The following DPYSL5 variants were observed in gnomAD, a reference collection of about 807,000 sequenced individuals.
DPYSL5 encodes the protein dihydropyrimidinase like 5.
In DPYSL5, 9 loss-of-function variants were observed where a neutral mutation model predicts 58.4. The observed-to-expected ratio is 0.15, with a 90% CI of 0.09 to 0.27. DPYSL5 has a LOEUF of 0.27. Among genes scored for constraint, DPYSL5 ranks in the 10% least tolerant of loss-of-function variants. DPYSL5 has a pLI of 1.00. For synonymous variants in DPYSL5, 293 were observed against 301.9 expected (o/e 0.97, Z 0.31); for missense variants, 499 against 770.6 (o/e 0.65, Z 4.17).
intron 1 of DPYSL5, among the ~76,000 whole-genome samples, chr2:26,882,090 C>CAAAAAA (rs752138649): frequency 5.1e-4 from 21 of 40,938 alleles, no homozygotes; most frequent in Admixed American, 8.1e-4. Context: ...GACTCCATCT[C>CAAAAAA]AAAAAAAAAA....
intron 8 of DPYSL5, chr2:26,939,730 A>G (rs1198078861): frequency 3.1e-6 from 1 of 321,664 alleles, no homozygotes; most frequent in Non-Finnish European, 5.9e-6. Flanking sequence ...ATCTCACTTC[A>G]GCTAGACTCT....
At chr2:26,873,077 G>C (rs1188165250) in intron 1 of DPYSL5, among the ~76,000 whole-genome samples, 1 of 152,046 alleles carries the variant, frequency 6.6e-6, no homozygotes, top group Non-Finnish European at 1.5e-5. Context: ...TGAACTGCTA[G>C]GAAGCTTAGT....
chr2:26,942,841 C>A lies in DPYSL5; in HGVS notation c.1440+91C>A. The A allele has an allele frequency of 7.0e-7, 1 of 1,437,528 alleles. No individual in the cohort carries two copies. Among genetic ancestry groups the A allele is most frequent in the Non-Finnish European group, 9.6e-7 (1 of 1,046,954 alleles). 89.0% of individuals were successfully genotyped at this position (1,437,528 alleles called of 1,614,324 possible). A position where few individuals can be genotyped will look rare whatever the true frequency, so the allele number is the denominator to read the frequency against. On this transcript the variant is annotated intron_variant, in intron 11 of 12. Coordinates refer to ENST00000288699, the MANE Select transcript of DPYSL5 (RefSeq NM_020134.4). This position sits in a 1 kb window ranked among gnomAD's most constrained non-coding sequence, Gnocchi z 5.9. ...GTTTTAAATCTCAAAGAGATGTTCA[C>A]TCCAGTTTTCGACCCAATTCCATTG...
rs1558347280 is a variant in DPYSL5, at chr2:26,924,756, G to T, written c.262-131G>T. On this transcript the variant is annotated intron_variant, in intron 2 of 12. Coordinates refer to ENST00000288699, the MANE Select transcript of DPYSL5 (RefSeq NM_020134.4). The surrounding 1 kb of genome is among the most constrained non-coding windows in gnomAD (Gnocchi z 4.7). ...TCTTTACAGTTTCCCAAACCTCGCT[G>T]CCCTTGGTCCTCACAGCCTCTTGTG... The T allele has an allele frequency of 2.3e-6, 3 of 1,291,934 alleles. No homozygotes were observed. The East Asian group carries it at 8.1e-5, about 35-fold the overall frequency. The allele number at this position is 1,291,934 out of a possible 1,614,324, so 80.0% of individuals were successfully genotyped here. A position where few individuals can be genotyped will look rare whatever the true frequency, so the allele number is the denominator to read the frequency against.
intron 1 of DPYSL5, among the ~76,000 whole-genome samples, chr2:26,894,376 T>C (rs1354430950): frequency 6.6e-6 from 1 of 152,206 alleles, no homozygotes; most frequent in African/African-American, 2.4e-5. Flanking sequence ...AACTCGCTTA[T>C]ATGCCTGTCT....
At chr2:26,926,065 AAG>A (rs1189698866) in intron 3 of DPYSL5, among the ~76,000 whole-genome samples, 56 of 152,310 alleles carry the variant, frequency 3.7e-4, no homozygotes, top group African/African-American at 1.3e-3. Flanking sequence ...AAAAAGAAAA[AAG>A]AAGTTTTATG....
intron 2 of DPYSL5, among the ~76,000 whole-genome samples, chr2:26,906,296 G>T (rs913475922): frequency 1.1e-4 from 16 of 150,984 alleles, no homozygotes; most frequent in African/African-American, 3.7e-4. Flanking sequence ...AGATTCTCCT[G>T]CCTCAGCCTC....
chr2:26,920,495 G>A (rs1266420198), intron 2 of DPYSL5, among the ~76,000 whole-genome samples: 1 of 152,206 alleles, frequency 6.6e-6, no homozygotes, highest in African/African-American at 2.4e-5. Flanking sequence ...GCCAGGCGTG[G>A]TGGCTCACGT....
Position 26,933,419 on chromosome 2 carries a change from C to A in DPYSL5, c.790+86C>A. 2.3e-6 allele frequency: 3 copies of A among 1,312,458 alleles called. No homozygotes were observed. Among genetic ancestry groups the A allele is most frequent in the Non-Finnish European group, 3.3e-6 (3 of 919,874 alleles). 81.3% of individuals were successfully genotyped at this position (1,312,458 alleles called of 1,614,324 possible). On this transcript the variant is annotated intron_variant, in intron 7 of 12. Coordinates refer to ENST00000288699, the MANE Select transcript of DPYSL5 (RefSeq NM_020134.4). This position sits in a 1 kb window ranked among gnomAD's most constrained non-coding sequence, Gnocchi z 4.2. ...GCCCATTAGCCGTGCTCACTCCTGG[C>A]CCCGGCTCCTGAAACCAGGACCTGA...
At chr2:26,930,470 G>A (rs558839899) in intron 5 of DPYSL5, among the ~76,000 whole-genome samples, 2 of 152,158 alleles carry the variant, frequency 1.3e-5, no homozygotes, top group Admixed American at 6.5e-5. Flanking sequence ...GGCATCTAGC[G>A]AGCAGAAGCC....
chr2:26,939,883 C>T lies in DPYSL5; in HGVS notation c.948-148C>T, dbSNP rs578182968. 43 of 1,023,902 alleles carry T rather than the reference C, an allele frequency of 4.2e-5. No homozygotes were observed. The Admixed American group carries it at 6.0e-4, about 14-fold the overall frequency. 63.4% of individuals were successfully genotyped at this position (1,023,902 alleles called of 1,614,324 possible). A position where few individuals can be genotyped will look rare whatever the true frequency, so the allele number is the denominator to read the frequency against. On this transcript the variant is annotated intron_variant, in intron 8 of 12. Transcript: ENST00000288699. ...AGGTTCACATAGATGCAGTAACTCACGACAGACCACATGGCCTAAGCGGCA... is the reference window on the plus strand; with the variant it reads ...AGGTTCACATAGATGCAGTAACTCATGACAGACCACATGGCCTAAGCGGCA...
intron 2 of DPYSL5, among the ~76,000 whole-genome samples, chr2:26,920,636 G>A (rs1443126882): frequency 6.6e-6 from 1 of 152,204 alleles, no homozygotes; most frequent in Admixed American, 6.5e-5. Flanking sequence ...ATTATGGCAG[G>A]TGCCTGTAAT....
At chr2:26,850,520 TATC>T (rs1227881109) in intron 1 of DPYSL5, among the ~76,000 whole-genome samples, 10 of 152,286 alleles carry the variant, frequency 6.6e-5, no homozygotes, top group Admixed American at 1.3e-4. Flanking sequence ...AGCATAAAGT[TATC>T]ATTTTAAATT....
chr2:26,928,704 TAC>T (rs1553320464), intron 5 of DPYSL5, among the ~76,000 whole-genome samples: 3 of 62,982 alleles, frequency 4.8e-5, no homozygotes, highest in African/African-American at 6.3e-5. Context: ...TATATATATA[TAC>T]ACACACACAC....
chr2:26,849,341 C>T lies in DPYSL5; in HGVS notation c.-5+1087C>T, dbSNP rs13405539. 0.31 allele frequency among the ~76,000 whole-genome samples: 47,602 copies of T among 151,266 alleles called. 8,678 individuals carry two copies. Among genetic ancestry groups the T allele is most frequent in the Admixed American group, 0.44 (6,679 of 15,246 alleles). On this transcript the variant is annotated intron_variant, in intron 1 of 12. Transcript: ENST00000288699. The surrounding 1 kb of genome is among the most constrained non-coding windows in gnomAD (Gnocchi z 6.2). ...GGGGCCTCCTGGGAAGGGGAGCCTC[C>T]CGAGGAGGGAGGGGCAAGCAGCTGA...
intron 2 of DPYSL5, among the ~76,000 whole-genome samples, chr2:26,911,450 T>C (rs1572702196): frequency 6.6e-6 from 1 of 152,248 alleles, no homozygotes; most frequent in Non-Finnish European, 1.5e-5. Context: ...CCCTTTCTGT[T>C]GGCTAAAAGT....
chr2:26,874,203 A>C (rs1663344031), intron 1 of DPYSL5, among the ~76,000 whole-genome samples: 1 of 152,160 alleles, frequency 6.6e-6, no homozygotes, highest in African/African-American at 2.4e-5. Context: ...CAAATGTTTT[A>C]TCCCAGTCTA....
rs1468534375 is a variant in DPYSL5 at position 26,944,746 on chromosome 2, C to T, written c.1531C>T (p.Leu511Phe). The T allele has an allele frequency of 6.2e-7, 1 of 1,614,158 alleles. No individual in the cohort carries two copies. Among genetic ancestry groups the T allele is most frequent in the Non-Finnish European group, 8.5e-7 (1 of 1,180,006 alleles). Residue 511 changes from leucine (L) to phenylalanine (F), a missense_variant, in exon 12 of 13, where the codon CTC becomes TTC. This residue lies in a region of DPYSL5 where 62 missense variants were observed against 59.2 expected (regional missense o/e 1.05). Coordinates refer to ENST00000288699, the MANE Select transcript of DPYSL5 (RefSeq NM_020134.4). This position sits in a 1 kb window ranked among gnomAD's most constrained non-coding sequence, Gnocchi z 4.4. Reference protein sequence around the residue: ...HPGKKEMGTPLADTPTRPVTR... With the variant: ...HPGKKEMGTPFADTPTRPVTR... ...TGGGAAAAAAGAGATGGGAACCCCA[C>T]TCGCAGACACTCCTACCCGGCCCGT...
At position 26,949,511 on chromosome 2, in the gene DPYSL5, C is replaced by G. The variant is rs1665580146; in HGVS notation, c.*2516C>G. On this transcript the variant is annotated 3_prime_UTR_variant, in exon 13 of 13. Transcript: ENST00000288699. The stretch of plus-strand genomic sequence containing the variant: ...CACACCATCTCTATCCCTGTCAGCC[C>G]TCACTGGGTCATGGGCCTTGGGCAG... The G allele has an allele frequency of 6.6e-6, 1 of 152,346 alleles. No individual in the cohort carries two copies. Among genetic ancestry groups the G allele is most frequent in the African/African-American group, 2.4e-5 (1 of 41,448 alleles). 9.4% of individuals were successfully genotyped at this position (152,346 alleles called of 1,614,324 possible).
Sources: allele counts gnomAD v4.1 joint callset (sites outside exome capture counted in the v4.1 genomes callset), GRCh38; gene constraint gnomAD v4.1.1; regional missense constraint gnomAD v4.1.1; non-coding constraint Gnocchi (gnomAD v3.1); transcripts MANE v1.5; gene names NCBI Gene and HGNC (gene_info 2026-07-23, HGNC 2026-07-21).